The following PARD3 variants were observed in gnomAD, a reference collection of about 807,000 sequenced individuals.
PARD3 encodes partitioning defective 3 homolog.
Under a neutral mutation model 155.4 loss-of-function variants are expected in PARD3, and 75 were observed. The observed-to-expected ratio is 0.48, with a 90% confidence interval of 0.40 to 0.58. The LOEUF (loss-of-function observed/expected upper bound fraction) is 0.58. PARD3 is among the 20% of genes least tolerant of loss of function. PARD3 has a pLI of 0.00. For missense variants in PARD3, 1,642 were observed against 1,721.7 expected, an observed-to-expected ratio of 0.95 and a Z score of 0.82; for synonymous variants, 576 against 610.5, an observed-to-expected ratio of 0.94 and a Z score of 0.83.
intron 2 of PARD3, among the ~76,000 whole-genome samples, chr10:34,548,940 C>T (rs181625294): frequency 6.0e-4 from 91 of 152,346 alleles, no homozygotes; most frequent in African/African-American, 1.9e-3. Context: ...TTAGACCTTA[C>T]ATCAGCCAGG....
intron 12 of PARD3, among the ~76,000 whole-genome samples, chr10:34,362,044 G>A (rs944784132): frequency 2.0e-5 from 3 of 152,158 alleles, no homozygotes; most frequent in South Asian, 2.1e-4. Context: ...TTGGGAGGCC[G>A]ACGCAGGTGG....
chr10:34,131,491 C>T lies in PARD3; in HGVS notation c.3512G>A (p.Arg1171Gln), dbSNP rs61735570. The T allele has an allele frequency of 9.9e-6, 16 of 1,613,934 alleles. No individual in the cohort carries two copies. Among genetic ancestry groups the T allele is most frequent in the African/African-American group, 8.0e-5 (6 of 74,910 alleles). Residue 1171 changes from arginine to glutamine, a missense_variant, in exon 23 of 25, where the codon CGG becomes CAG. By Grantham distance (43) the Arg-to-Gln change is conservative. Around this residue, in one of 3 missense-constraint regions of PARD3, gnomAD observed 1,529 missense variants for 1,587.3 expected, o/e 0.96. Transcript: ENST00000374788. ...AKQDEDVEDRRRTYSFEQPWP... is the reference protein window; with the variant it reads ...AKQDEDVEDRQRTYSFEQPWP... ...GGGTTGCTCAAAACTATAGGTCCGCCGACGATCTTCTACATCTTCATCTTG... is the reference window on the plus strand; with the variant it reads ...GGGTTGCTCAAAACTATAGGTCCGCTGACGATCTTCTACATCTTCATCTTG...
chr10:34,421,975 C>T (rs1379469750), intron 5 of PARD3, among the ~76,000 whole-genome samples: 2 of 151,910 alleles, frequency 1.3e-5, no homozygotes, highest in African/African-American at 2.4e-5. Context: ...ACTTGAAGGA[C>T]CCAGGAGAAT....
chr10:34,634,830 T>C (rs926252992), intron 2 of PARD3, among the ~76,000 whole-genome samples: 7 of 152,176 alleles, frequency 4.6e-5, no homozygotes, highest in Admixed American at 1.3e-4. Context: ...CTAGTTAAGA[T>C]TGAAGCTGGA....
At position 34,606,959 on chromosome 10, in the gene PARD3, C is replaced by T. The variant is rs527766991; in HGVS notation, c.222+89359G>A. Among the ~76,000 whole-genome samples the T allele has an allele frequency of 1.7e-3, 179 of 102,696 alleles. 1 individual carries two copies. Among genetic ancestry groups the T allele is most frequent in the Non-Finnish European group, 2.5e-3 (129 of 52,554 alleles). 67.4% of individuals were successfully genotyped at this position (102,696 alleles called of 152,430 possible). ...TCCAGCCTGGTGACAGAGAGAGACT[C>T]TGTCTTAAAAAAAAAAAAAAAAAAA... On this transcript the variant is annotated intron_variant, in intron 2 of 24. Coordinates refer to ENST00000374788, the MANE Select transcript of PARD3 (RefSeq NM_001184785.2).
At chr10:34,401,663 T>A (rs1042293283) in intron 6 of PARD3, among the ~76,000 whole-genome samples, 163 bp downstream of exon 6, 1 of 152,162 alleles carries the variant, frequency 6.6e-6, no homozygotes, top group Non-Finnish European at 1.5e-5. Flanking sequence ...ATTACATAAT[T>A]AACTCAAGAG....
At chr10:34,716,586 T>TTA (rs2094523901) in intron 1 of PARD3, among the ~76,000 whole-genome samples, 2 of 55,308 alleles carry the variant, frequency 3.6e-5, no homozygotes, top group Non-Finnish European at 5.6e-5. Flanking sequence ...ATGGCTTTTC[T>TTA]TTTTTTTTTT....
chr10:34,629,708 T>C (rs2092163930), intron 2 of PARD3, among the ~76,000 whole-genome samples: 1 of 152,224 alleles, frequency 6.6e-6, no homozygotes, highest in African/African-American at 2.4e-5. Context: ...ATAAAACACT[T>C]CATCTGGTTG....
intron 5 of PARD3, among the ~76,000 whole-genome samples, chr10:34,442,239 C>T (rs906454394): frequency 3.3e-5 from 5 of 152,156 alleles, no homozygotes; most frequent in Non-Finnish European, 7.3e-5. Context: ...ACCCAAAAAA[C>T]CCACATCTTA....
chr10:34,312,410 CAGTT>C (rs763805785), intron 20 of PARD3: 18 of 1,610,052 alleles, frequency 1.1e-5, no homozygotes, highest in South Asian at 7.7e-5. Context: ...TACAGACACA[CAGTT>C]AGTACAGGTG....
At chr10:34,350,260 C>T (rs955978878) in intron 14 of PARD3, among the ~76,000 whole-genome samples, 2 of 152,280 alleles carry the variant, frequency 1.3e-5, no homozygotes, top group African/African-American at 2.4e-5. Context: ...GGAAGAGAGG[C>T]AACCCCAGTG....
intron 2 of PARD3, among the ~76,000 whole-genome samples, chr10:34,658,710 C>T (rs1022422376): frequency 6.6e-6 from 1 of 152,172 alleles, no homozygotes; most frequent in Non-Finnish European, 1.5e-5. Context: ...CCATGTCCCC[C>T]CTCCTGCCTG....
chr10:34,417,230 T>C (rs1845757775), intron 5 of PARD3, among the ~76,000 whole-genome samples: 2 of 152,196 alleles, frequency 1.3e-5, no homozygotes, highest in Admixed American at 1.3e-4. Context: ...CTTTCTCTAC[T>C]GTAATGCTGT....
rs527532340 is a variant in PARD3 at position 34,346,455 on chromosome 10, A to G, written c.2218+1510T>C. 24 of 1,349,040 alleles carry G rather than the reference A, an allele frequency of 1.8e-5. No individual in the cohort carries two copies. The South Asian group carries it at 2.6e-4, about 15-fold the overall frequency. 83.6% of individuals were successfully genotyped at this position (1,349,040 alleles called of 1,614,324 possible). ...GTATGGCAAGTCCTATGTTCCTATA[A>G]TAAAGGGGAAATTACAGCATATCAC... On this transcript the variant is annotated intron_variant, in intron 15 of 24. Coordinates refer to ENST00000374788, the MANE Select transcript of PARD3 (RefSeq NM_001184785.2).
intron 23 of PARD3, among the ~76,000 whole-genome samples, chr10:34,123,507 T>C (rs980778799): frequency 6.6e-6 from 1 of 152,146 alleles, no homozygotes; most frequent in Non-Finnish European, 1.5e-5. Context: ...AGTGGCACAA[T>C]TACAGCTCAC....
intron 1 of PARD3, among the ~76,000 whole-genome samples, chr10:34,708,749 TAAG>T (rs940605648): frequency 5.3e-5 from 8 of 152,120 alleles, no homozygotes; most frequent in African/African-American, 1.9e-4. Flanking sequence ...TCAAAAAGAT[TAAG>T]GAGGAATATC....
intron 2 of PARD3, among the ~76,000 whole-genome samples, chr10:34,695,214 C>A (rs557345122): frequency 6.6e-6 from 1 of 152,210 alleles, no homozygotes; most frequent in Admixed American, 6.5e-5. Context: ...TGGTGGCTCA[C>A]ATCTGTAATG....
intron 24 of PARD3, among the ~76,000 whole-genome samples, chr10:34,119,136 G>C (rs1350315717): frequency 6.6e-6 from 1 of 152,076 alleles, no homozygotes; most frequent in East Asian, 1.9e-4. Flanking sequence ...AGTGATGATG[G>C]GACAGTAAGA....
chr10:34,194,123 T>A (rs11009675), intron 22 of PARD3, among the ~76,000 whole-genome samples: 3,573 of 152,260 alleles, frequency 0.023, 134 homozygotes, highest in African/African-American at 0.08. Flanking sequence ...AGGCTCTCCC[T>A]CTACATATTG....
Sources: allele counts gnomAD v4.1 joint callset (sites outside exome capture counted in the v4.1 genomes callset), GRCh38; gene constraint gnomAD v4.1.1; regional missense constraint gnomAD v4.1.1; transcripts MANE v1.5; gene names NCBI Gene and HGNC (gene_info 2026-07-23, HGNC 2026-07-21).